The following TFAM variants were observed in gnomAD, a reference collection of about 807,000 sequenced individuals.
TFAM encodes mitochondrial transcription factor 1.
Under a neutral mutation model 30.6 loss-of-function variants are expected in TFAM, and 13 were observed. The ratio of observed to expected loss-of-function variants is 0.42; its 90% confidence interval spans 0.28 to 0.67. The LOEUF (loss-of-function observed/expected upper bound fraction) is 0.67. TFAM is among the 30% of genes least tolerant of loss of function. The probability of loss-of-function intolerance (pLI) is 0.21; values close to 1 mark genes in which losing one functional copy is unlikely to be tolerated. For synonymous variants in TFAM, 106 were observed against 94.8 expected (o/e 1.12, Z -0.69); for missense variants, 231 against 293.7 (o/e 0.79, Z 1.56).
intron 5 of TFAM, among the ~76,000 whole-genome samples, chr10:58,391,410 A>G (rs1192030203): frequency 6.6e-6 from 1 of 152,094 alleles, no homozygotes; most frequent in Non-Finnish European, 1.5e-5. Context: ...TTTTTCCTGT[A>G]TCATATGACA....
At chr10:58,393,381 T>C (rs1840630086) in intron 5 of TFAM, among the ~76,000 whole-genome samples, 1 of 152,206 alleles carries the variant, frequency 6.6e-6, no homozygotes, top group Admixed American at 6.5e-5. Flanking sequence ...TATTTGGGAA[T>C]TCTGTATGGT....
chr10:58,394,870 A>G (rs1184390971), intron 6 of TFAM, 58 bp from the exon 7 acceptor site: 1 of 1,519,388 alleles, frequency 6.6e-7, no homozygotes, highest in Non-Finnish European at 9.0e-7. Flanking sequence ...GCTATTTTAA[A>G]TAATCATTTT....
At chr10:58,389,123 G>A (rs1383969488) in intron 4 of TFAM, among the ~76,000 whole-genome samples, 1 of 152,174 alleles carries the variant, frequency 6.6e-6, no homozygotes, top group South Asian at 2.1e-4. Context: ...CAAACCAGGA[G>A]TATCAAGAAT....
chr10:58,388,302 C>T (rs373137611), intron 3 of TFAM, 42 bp downstream of exon 3: 13 of 1,515,368 alleles, frequency 8.6e-6, no homozygotes, highest in Non-Finnish European at 1.2e-5. Flanking sequence ...AGTTATTCTG[C>T]AGTTAGGAGC....
chr10:58,388,094 A>G (rs1215551934), intron 2 of TFAM, 96 bp from the exon 3 acceptor site: 20 of 871,752 alleles, frequency 2.3e-5, no homozygotes, highest in Non-Finnish European at 3.0e-5. Flanking sequence ...ATATTAAGTT[A>G]TGTGTGGTAT....
chr10:58,388,156 G>T lies in TFAM; in HGVS notation c.221-34G>T, dbSNP rs746837639. The T allele has an allele frequency of 1.3e-6, 2 of 1,547,932 alleles. 1 individual carries two copies. Among genetic ancestry groups the T allele is most frequent in the Middle Eastern group, 3.4e-4 (2 of 5,832 alleles). On this transcript the variant is annotated intron_variant, in intron 2 of 6. Transcript: ENST00000487519. Reference sequence around the variant, plus strand: ...GAAATTAATCCTGAGAGGTAAAATTGTGGCATCTTTTTTCTTTTTATTTCA... The same window carrying T: ...GAAATTAATCCTGAGAGGTAAAATTTTGGCATCTTTTTTCTTTTTATTTCA...
At chr10:58,394,500 A>G (rs1260831693) in intron 6 of TFAM, 86 bp downstream of exon 6, 2 of 1,117,530 alleles carry the variant, frequency 1.8e-6, no homozygotes, top group Non-Finnish European at 2.8e-6. Flanking sequence ...TCATGTGAAG[A>G]CAACCTTGTA....
chr10:58,389,582 A>C (rs1840553815), intron 4 of TFAM, among the ~76,000 whole-genome samples: 1 of 152,212 alleles, frequency 6.6e-6, no homozygotes, highest in East Asian at 1.9e-4. Flanking sequence ...CTGTCCTAGC[A>C]CTAGGGTTGA....
intron 1 of TFAM, among the ~76,000 whole-genome samples, 164 bp downstream of exon 1, chr10:58,385,812 A>G (rs1466179037): frequency 1.3e-5 from 2 of 152,144 alleles, no homozygotes; most frequent in Non-Finnish European, 2.9e-5. Flanking sequence ...CCTTGAGACC[A>G]GGCCTTTATT....
At chr10:58,387,684 CTT>C (rs1840516300) in intron 2 of TFAM, among the ~76,000 whole-genome samples, 1 of 152,122 alleles carries the variant, frequency 6.6e-6, no homozygotes, top group African/African-American at 2.4e-5. Flanking sequence ...AATCCCAGCA[CTT>C]TGGGAGACTG....
intron 6 of TFAM, 68 bp downstream of exon 6, chr10:58,394,482 G>A (rs1311562370): frequency 1.2e-5 from 16 of 1,314,524 alleles, no homozygotes; most frequent in Non-Finnish European, 1.8e-5. Context: ...ATTAGGGCAA[G>A]GCTTGATTCA....
chr10:58,393,652 C>T (rs946515183), intron 5 of TFAM, among the ~76,000 whole-genome samples: 7 of 151,994 alleles, frequency 4.6e-5, no homozygotes, highest in Non-Finnish European at 7.4e-5. Context: ...ATTTGGGAAG[C>T]GGGGTGGGAG....
rs1303490186 is a variant in TFAM at position 58,385,433 on chromosome 10, A to C, written c.-115A>C. On this transcript the variant is annotated 5_prime_UTR_variant, in exon 1 of 7. The change abolishes an upstream ATG in the 5' untranslated region. Transcript: ENST00000487519. ...CCATAGTGCCTCGCTAGTGGCGGGC[A>C]TGATAACACACGCCGGAGGGTCGCA... 2.4e-5 allele frequency: 18 copies of C among 749,914 alleles called. No individual in the cohort carries two copies. Among genetic ancestry groups the C allele is most frequent in the Admixed American group, 4.1e-5 (2 of 48,866 alleles). The allele number at this position is 749,914 out of a possible 1,614,324, so 46.5% of individuals were successfully genotyped here.
rs1055306801 is a variant in TFAM, at chr10:58,395,684, C to T, written c.*610C>T. 3.7e-5 allele frequency: 11 copies of T among 297,308 alleles called. No individual in the cohort carries two copies. Among genetic ancestry groups the T allele is most frequent in the African/African-American group, 1.5e-4 (7 of 46,742 alleles). 18.4% of individuals were successfully genotyped at this position (297,308 alleles called of 1,614,324 possible). A position where few individuals can be genotyped will look rare whatever the true frequency, so the allele number is the denominator to read the frequency against. On this transcript the variant is annotated 3_prime_UTR_variant, in exon 7 of 7. Transcript: ENST00000487519. The stretch of plus-strand genomic sequence containing the variant: ...AAAGTAAAAACAAAGAAATTATGTG[C>T]CAGATTTATGCATATTATTTTATGT...
chr10:58,391,075 TA>T (rs1368030155), intron 5 of TFAM, among the ~76,000 whole-genome samples: 4 of 152,164 alleles, frequency 2.6e-5, no homozygotes, highest in African/African-American at 9.7e-5. Flanking sequence ...GCCAACTTTT[TA>T]AATTTAAATA....
chr10:58,393,822 G>A (rs570592667), intron 5 of TFAM, among the ~76,000 whole-genome samples: 15 of 152,008 alleles, frequency 9.9e-5, no homozygotes, highest in Non-Finnish European at 1.3e-4. Flanking sequence ...TTGAGCCCAG[G>A]AGGTCAGTGC....
At chr10:58,393,311 C>T (rs1392840200) in intron 5 of TFAM, among the ~76,000 whole-genome samples, 2 of 152,170 alleles carry the variant, frequency 1.3e-5, no homozygotes, top group Admixed American at 1.3e-4. Flanking sequence ...TTCAGCCAAT[C>T]TTGTGTTTAA....
intron 6 of TFAM, 36 bp downstream of exon 6, chr10:58,394,450 T>C: frequency 6.4e-7 from 1 of 1,560,970 alleles, no homozygotes; most frequent in Non-Finnish European, 8.8e-7. Context: ...AGTGTCTACT[T>C]AGGATATCTG....
intron 2 of TFAM, chr10:58,386,588 A>C (rs891484459): frequency 9.0e-7 from 1 of 1,109,334 alleles, no homozygotes; most frequent in African/African-American, 1.6e-5. Flanking sequence ...AAAAAAGCTG[A>C]ATTTGGGGCC....
Sources: allele counts gnomAD v4.1 joint callset (sites outside exome capture counted in the v4.1 genomes callset), GRCh38; gene constraint gnomAD v4.1.1; transcripts MANE v1.5; gene names NCBI Gene and HGNC (gene_info 2026-07-23, HGNC 2026-07-21).